The following MIS18BP1 variants were observed in gnomAD, a reference collection of about 807,000 sequenced individuals.
The protein encoded by MIS18BP1 is MIS18 binding protein 1, also known as mis18-binding protein 1.
A neutral mutation model predicts 116.1 loss-of-function variants in MIS18BP1; 72 were observed. The ratio of observed to expected loss-of-function variants is 0.62; its 90% CI spans 0.51 to 0.75. The LOEUF (loss-of-function observed/expected upper bound fraction) is 0.75. Among genes scored for constraint, MIS18BP1 ranks in the 30% least tolerant of loss-of-function variants. The probability of loss-of-function intolerance (pLI) is 0.00; values close to 1 mark genes in which losing one functional copy is unlikely to be tolerated. For missense variants in MIS18BP1, 1,363 were observed against 1,303.2 expected (o/e 1.05, Z -0.71); for synonymous variants, 386 against 427.0 (o/e 0.90, Z 1.18).
chr14:45,232,816 A>T lies in MIS18BP1; in HGVS notation c.1353T>A (p.Tyr451Ter). The T allele has an allele frequency of 7.2e-7, 1 of 1,379,572 alleles. No homozygotes were observed. The highest frequency in any genetic ancestry group is 1.3e-5 in the South Asian group (1 of 77,938). 85.5% of individuals were successfully genotyped at this position (1,379,572 alleles called of 1,614,324 possible). A position where few individuals can be genotyped will look rare whatever the true frequency, so the allele number is the denominator to read the frequency against. Residue 451 changes from tyrosine to a stop codon, truncating the protein, a stop_gained, in exon 7 of 17, where the codon TAT (tyrosine) becomes TAA (stop). Coordinates refer to ENST00000310806, the MANE Select transcript of MIS18BP1 (RefSeq NM_018353.5). LOFTEE classifies it high-confidence loss of function. Reference protein sequence around the residue: ...IDQISMKEAGYPNYLIRKFMF... With the variant: ...IDQISMKEAG ...TAAATTTCCTTATGAGATAATTTGG[A>T]TATCCTATTTAAGGATAAACAACAA...
At chr14:45,238,757 C>T (rs1255017698) in intron 4 of MIS18BP1, among the ~76,000 whole-genome samples, 2 of 151,904 alleles carry the variant, frequency 1.3e-5, no homozygotes, top group African/African-American at 2.4e-5. Flanking sequence ...CTTGGGAGGT[C>T]GAGGCTTCAG....
chr14:45,236,107 T>C (rs1566817053), intron 5 of MIS18BP1, among the ~76,000 whole-genome samples, 163 bp from the exon 6 acceptor site: 1 of 152,232 alleles, frequency 6.6e-6, no homozygotes, highest in African/African-American at 2.4e-5. Flanking sequence ...TGCTTGGCTA[T>C]TGTAATCCTC....
In MIS18BP1 at chr14:45,248,055, GT is replaced by G. The variant is rs3036381; in HGVS notation, c.-91-679del. The stretch of plus-strand genomic sequence containing the variant: ...ACGTAGTTTTAGTCTTGTTTCTTTC[GT>G]TTTTTTTTTTTTTTTTTCTTTTTTT... On this transcript the variant is annotated intron_variant, in intron 1 of 16. Coordinates refer to ENST00000310806, the MANE Select transcript of MIS18BP1 (RefSeq NM_018353.5). 4.5e-3 allele frequency among the ~76,000 whole-genome samples: 489 copies of G among 109,210 alleles called. 1 individual carries two copies. Among genetic ancestry groups the G allele is most frequent in the Middle Eastern group, 0.01 (2 of 198 alleles). The allele number at this position is 109,210 out of a possible 152,430, so 71.6% of individuals were successfully genotyped here.
intron 15 of MIS18BP1, among the ~76,000 whole-genome samples, chr14:45,205,843 CA>C (rs1890500264): frequency 6.6e-6 from 1 of 152,128 alleles, no homozygotes. Flanking sequence ...TCCCACCCTT[CA>C]TTTCCCAAAA....
At chr14:45,240,077 G>A (rs1566819193) in intron 4 of MIS18BP1, among the ~76,000 whole-genome samples, 1 of 152,152 alleles carries the variant, frequency 6.6e-6, no homozygotes, top group African/African-American at 2.4e-5. Flanking sequence ...CATGAGTGTG[G>A]AGTTGAGAAG....
chr14:45,215,567 C>T (rs370333851), intron 13 of MIS18BP1, among the ~76,000 whole-genome samples: 2 of 151,948 alleles, frequency 1.3e-5, no homozygotes, highest in South Asian at 2.1e-4. Flanking sequence ...TGCATGCCAC[C>T]ACACCCATCT....
rs1207243741 is a variant in MIS18BP1, at chr14:45,206,075, ATACT to A, written c.3240+4_3240+7del. On this transcript the variant is annotated splice_donor_5th_base_variant and intron_variant, in intron 15 of 16. Coordinates refer to ENST00000310806, the MANE Select transcript of MIS18BP1 (RefSeq NM_018353.5). Reference sequence around the variant, plus strand: ...ATAGATATGTATTGGATAAAGAAAAATACTTACTAATTTTTTCTTGATGTTGCCC... The same window carrying A: ...ATAGATATGTATTGGATAAAGAAAAATACTAATTTTTTCTTGATGTTGCCC... 6.4e-6 allele frequency: 10 copies of A among 1,556,128 alleles called. No homozygotes were observed. Among genetic ancestry groups the A allele is most frequent in the Admixed American group, 1.7e-5 (1 of 58,576 alleles).
At chr14:45,213,640 C>T (rs1206211361) in intron 13 of MIS18BP1, among the ~76,000 whole-genome samples, 1 of 152,142 alleles carries the variant, frequency 6.6e-6, no homozygotes, top group African/African-American at 2.4e-5. Context: ...TCTGACCCTT[C>T]GTATCAACAG....
intron 13 of MIS18BP1, among the ~76,000 whole-genome samples, chr14:45,216,177 G>A (rs1159772985): frequency 1.3e-5 from 2 of 152,096 alleles, no homozygotes; most frequent in Non-Finnish European, 2.9e-5. Flanking sequence ...ATCTTGCAAA[G>A]ATTTTGGGCT....
At chr14:45,244,059 C>CT (rs983460080) in intron 2 of MIS18BP1, among the ~76,000 whole-genome samples, 1 of 152,134 alleles carries the variant, frequency 6.6e-6, no homozygotes, top group East Asian at 1.9e-4. Context: ...CCCAAACTCC[C>CT]TTAGAAAACT....
At chr14:45,215,921 G>A (rs1050243225) in intron 13 of MIS18BP1, among the ~76,000 whole-genome samples, 3 of 151,588 alleles carry the variant, frequency 2.0e-5, no homozygotes, top group African/African-American at 7.3e-5. Flanking sequence ...GGCCAGGATG[G>A]TCTTGATCTC....
At chr14:45,237,853 T>G (rs1486606902) in intron 4 of MIS18BP1, 132 bp from the exon 5 acceptor site, 1 of 1,261,522 alleles carries the variant, frequency 7.9e-7, no homozygotes, top group African/African-American at 1.6e-5. Flanking sequence ...GATGTAAGAT[T>G]CACATTCTAT....
rs934969387 is a variant in MIS18BP1 at position 45,224,248 on chromosome 14, T to A, written c.2339A>T (p.Lys780Met). Residue 780 changes from lysine to methionine, a missense_variant, in exon 11 of 17, where the codon AAG (lysine) becomes ATG (methionine). Lys to Met is a moderately conservative substitution (Grantham distance 95). Transcript: ENST00000310806. ...DLSSEESETEKEIKRKAEVKK... is the reference protein window; with the variant it reads ...DLSSEESETEMEIKRKAEVKK... ...AACTTCAGCTTTCCTTTTAATTTCC[T>A]TTTCTGTTTCACTTTCTTCACTTGA... is the stretch of plus-strand genomic sequence containing the variant. The A allele has an allele frequency of 6.2e-7, 1 of 1,613,882 alleles. No individual in the cohort carries two copies. Among genetic ancestry groups the A allele is most frequent in the East Asian group, 2.2e-5 (1 of 44,866 alleles).
chr14:45,231,629 C>A (rs1891280546), intron 7 of MIS18BP1, among the ~76,000 whole-genome samples: 1 of 152,222 alleles, frequency 6.6e-6, no homozygotes, highest in Non-Finnish European at 1.5e-5. Context: ...TATTAAAACA[C>A]TGCCATGCTA....
At chr14:45,251,749 T>A (rs1310419569) in intron 1 of MIS18BP1, among the ~76,000 whole-genome samples, 1 of 152,230 alleles carries the variant, frequency 6.6e-6, no homozygotes, top group East Asian at 1.9e-4. Flanking sequence ...TGAAAGGTGA[T>A]TAATAGAATA....
At chr14:45,215,404 CA>C (rs1890788063) in intron 13 of MIS18BP1, among the ~76,000 whole-genome samples, 1 of 152,238 alleles carries the variant, frequency 6.6e-6, no homozygotes, top group African/African-American at 2.4e-5. Context: ...GTTATCCACA[CA>C]TTTCTGCATT....
chr14:45,240,657 A>T (rs1340146262), intron 4 of MIS18BP1, among the ~76,000 whole-genome samples: 3 of 152,132 alleles, frequency 2.0e-5, no homozygotes, highest in African/African-American at 7.2e-5. Flanking sequence ...CAGGGGATAA[A>T]GGAAAGATGG....
intron 1 of MIS18BP1, among the ~76,000 whole-genome samples, chr14:45,250,954 G>C (rs561757896): frequency 6.6e-6 from 1 of 150,642 alleles, no homozygotes; most frequent in South Asian, 2.1e-4. Flanking sequence ...GGAGAATGGA[G>C]TGAACCCGGG....
intron 8 of MIS18BP1, 118 bp downstream of exon 8, chr14:45,231,023 T>G (rs1268623662): frequency 1.0e-6 from 1 of 970,802 alleles, no homozygotes; most frequent in East Asian, 2.8e-5. Context: ...GGGGGCAGTA[T>G]AAGTCAAAGA....
Sources: allele counts gnomAD v4.1 joint callset (sites outside exome capture counted in the v4.1 genomes callset), GRCh38; gene constraint gnomAD v4.1.1; transcripts MANE v1.5; gene names NCBI Gene and HGNC (gene_info 2026-07-23, HGNC 2026-07-21).